REDIC1: variants seen among roughly 807,000 people sequenced by gnomAD.
REDIC1 encodes the protein regulator of DNA class I crossover intermediates 1, also known as HEI10 Interacting Protein 1.
the REDIC1 span, among the ~76,000 whole-genome samples, chr12:39,749,309 A>G: frequency 2.6e-5 from 4 of 152,232 alleles, no homozygotes; most frequent in African/African-American, 9.6e-5. Context: ...CAAATAAACT[A>G]GAAAATCTAG....
At chr12:39,869,656 G>A in the REDIC1 span, among the ~76,000 whole-genome samples, 2 of 152,142 alleles carry the variant, frequency 1.3e-5, no homozygotes, top group African/African-American at 4.8e-5. Context: ...CCGAGGAATT[G>A]TCTTAATACT....
chr12:39,792,572 A>G, the REDIC1 span, among the ~76,000 whole-genome samples: 1 of 152,288 alleles, frequency 6.6e-6, no homozygotes, highest in Admixed American at 6.5e-5. Flanking sequence ...AGCCTCTGCC[A>G]GGTGTGTATA....
At chr12:39,732,860 T>A in the REDIC1 span, among the ~76,000 whole-genome samples, 2 of 152,190 alleles carry the variant, frequency 1.3e-5, no homozygotes, top group African/African-American at 2.4e-5. Context: ...ATAGCTTCCT[T>A]GCTGTCTGGC....
the REDIC1 span, among the ~76,000 whole-genome samples, chr12:39,697,388 A>G: frequency 6.6e-6 from 1 of 152,230 alleles, no homozygotes; most frequent in African/African-American, 2.4e-5. Context: ...CAGAAAGCAA[A>G]TAAAGTTAAT....
the REDIC1 span, among the ~76,000 whole-genome samples, chr12:39,749,678 G>A: frequency 1.2e-4 from 19 of 152,234 alleles, no homozygotes; most frequent in African/African-American, 4.3e-4. Flanking sequence ...ATAAAATACT[G>A]GCAAACCAAA....
the REDIC1 span, among the ~76,000 whole-genome samples, chr12:39,806,463 T>A: frequency 6.6e-6 from 1 of 152,204 alleles, no homozygotes; most frequent in Non-Finnish European, 1.5e-5. Context: ...ATATTTTCCC[T>A]GGGATCCAAT....
the REDIC1 span, among the ~76,000 whole-genome samples, chr12:39,883,629 T>A: frequency 5.9e-5 from 9 of 152,326 alleles, no homozygotes; most frequent in East Asian, 9.6e-4. Flanking sequence ...GCACTGACTC[T>A]CAAAACGGTA....
chr12:39,774,651 AC>A, the REDIC1 span, among the ~76,000 whole-genome samples: 1,086 of 151,214 alleles, frequency 7.2e-3, 14 homozygotes, highest in African/African-American at 0.025. Flanking sequence ...AAGATGAAAA[AC>A]CTATTCTTTT....
At chr12:39,775,836 A>G in the REDIC1 span, among the ~76,000 whole-genome samples, 1 of 152,246 alleles carries the variant, frequency 6.6e-6, no homozygotes, top group East Asian at 1.9e-4. Flanking sequence ...ACTTGAGACC[A>G]GAAGTGTTTC....
the REDIC1 span, among the ~76,000 whole-genome samples, chr12:39,659,264 T>C: frequency 1.3e-5 from 2 of 152,000 alleles, no homozygotes; most frequent in Non-Finnish European, 2.9e-5. Flanking sequence ...TGATTTCTAT[T>C]CTTTGATTAA....
chr12:39,880,813 C>T, the REDIC1 span, among the ~76,000 whole-genome samples: 1 of 152,204 alleles, frequency 6.6e-6, no homozygotes, highest in African/African-American at 2.4e-5. Context: ...TCACCTCGCT[C>T]AGCCACATCA....
At chr12:39,888,942 A>AT in the REDIC1 span, among the ~76,000 whole-genome samples, 1 of 152,168 alleles carries the variant, frequency 6.6e-6, no homozygotes, top group Non-Finnish European at 1.5e-5. Flanking sequence ...ATAGTAAACC[A>AT]TTTTTCTTGT....
chr12:39,666,467 C>T, the REDIC1 span, among the ~76,000 whole-genome samples: 1 of 152,150 alleles, frequency 6.6e-6, no homozygotes, highest in Non-Finnish European at 1.5e-5. Flanking sequence ...ATTCAGTTTG[C>T]CAGTATTTTA....
At chr12:39,773,014 T>G in the REDIC1 span, among the ~76,000 whole-genome samples, 1 of 152,114 alleles carries the variant, frequency 6.6e-6, no homozygotes, top group Non-Finnish European at 1.5e-5. Context: ...AAATACCAAC[T>G]AAAAAATAAA....
the REDIC1 span, among the ~76,000 whole-genome samples, chr12:39,647,483 A>G: frequency 2.5e-3 from 376 of 152,118 alleles, 1 homozygote; most frequent in African/African-American, 8.2e-3. Flanking sequence ...AAATCTTATC[A>G]CCTGGATTAT....
At chr12:39,896,452 G>A in the REDIC1 span, among the ~76,000 whole-genome samples, 2 of 133,320 alleles carry the variant, frequency 1.5e-5, no homozygotes, top group South Asian at 2.3e-4. Flanking sequence ...ATGTATATGT[G>A]TGTATATATG....
At chr12:39,647,062 C>T in the REDIC1 span, among the ~76,000 whole-genome samples, 72 of 152,060 alleles carry the variant, frequency 4.7e-4, 1 homozygote, top group East Asian at 0.012. Context: ...TAATTGATTG[C>T]TTATGAGAAT....
At chr12:39,877,987 AC>A in the REDIC1 span, among the ~76,000 whole-genome samples, 2 of 152,016 alleles carry the variant, frequency 1.3e-5, no homozygotes, top group Non-Finnish European at 2.9e-5. Flanking sequence ...ACCTCCCCTG[AC>A]CCACTCTCCT....
the REDIC1 span, chr12:39,684,205 G>C: frequency 3.9e-6 from 4 of 1,026,734 alleles, no homozygotes; most frequent in African/African-American, 6.9e-5. Flanking sequence ...TTAAAAGTTT[G>C]AGAACTGCCT....
Sources: gnomAD v4.1 joint callset for allele counts (sites outside exome capture counted in the v4.1 genomes callset) on GRCh38, gnomAD v4.1.1 for gene constraint, MANE v1.5 for transcripts, NCBI Gene and HGNC (gene_info 2026-07-23, HGNC 2026-07-21) for gene names.